Variants in TTC34 observed in about 807,000 individuals in gnomAD.
TTC34 encodes tetratricopeptide repeat domain 34.
TTC34 carries 44 observed loss-of-function variants against 40.7 expected under a neutral mutation model. The ratio of observed to expected loss-of-function variants is 1.08; its 90% CI spans 0.85 to 1.39. The LOEUF (loss-of-function observed/expected upper bound fraction) is 1.39. Among genes scored for constraint, TTC34 ranks in the 40% most tolerant of loss-of-function variants. TTC34 has a pLI of 0.00. For missense variants in TTC34, 884 were observed against 838.0 expected (o/e 1.05, Z -0.68); for synonymous variants, 422 against 398.6 (o/e 1.06, Z -0.70).
At chr1:2,656,370 C>G (rs1254745216) in intron 6 of TTC34, among the ~76,000 whole-genome samples, 16 of 98,570 alleles carry the variant, frequency 1.6e-4, no homozygotes, top group African/African-American at 5.9e-4. Context: ...GGAACAGCAC[C>G]CACACCCACA....
At chr1:2,692,232 C>A (rs1411583821) in intron 6 of TTC34, among the ~76,000 whole-genome samples, 1 of 53,442 alleles carries the variant, frequency 1.9e-5, no homozygotes. Flanking sequence ...CATCCCCAGG[C>A]GAGCATCCGA....
chr1:2,690,170 C>A (rs1557617156), intron 6 of TTC34, among the ~76,000 whole-genome samples: 1 of 147,258 alleles, frequency 6.8e-6, no homozygotes. Flanking sequence ...CGTGGAGCAG[C>A]ACCCCACACC....
chr1:2,699,489 C>A (rs1425824580), intron 6 of TTC34, among the ~76,000 whole-genome samples: 8 of 124,252 alleles, frequency 6.4e-5, no homozygotes, highest in African/African-American at 1.6e-4. Context: ...GAGCAGCACC[C>A]ACACACCCAG....
Position 2,688,477 on chromosome 1 carries a change from G to T in TTC34, c.2227-42914C>A, listed in dbSNP as rs561368932. Among the ~76,000 whole-genome samples the T allele has an allele frequency of 2.2e-4, 20 of 90,250 alleles. 2 individuals are homozygous for T. Among genetic ancestry groups the T allele is most frequent in the African/African-American group, 1.2e-3 (19 of 15,760 alleles). 59.2% of individuals were successfully genotyped at this position (90,250 alleles called of 152,430 possible). ...CTAGGTGAACATCCGACATTGTGGAGCAGCACCCCACACCCACAGGTGAGC... is the reference window on the plus strand; with the variant it reads ...CTAGGTGAACATCCGACATTGTGGATCAGCACCCCACACCCACAGGTGAGC... On this transcript the variant is annotated intron_variant, in intron 6 of 8. Coordinates refer to ENST00000401095, the Ensembl canonical transcript of TTC34.
intron 6 of TTC34, 112 bp downstream of exon 6, chr1:2,783,497 T>C: frequency 3.6e-6 from 4 of 1,122,104 alleles, no homozygotes; most frequent in Non-Finnish European, 4.6e-6. Flanking sequence ...GATGGGCATC[T>C]CACTGCTCAG....
In TTC34 at chr1:2,760,999, C is replaced by T. The variant is rs1444470516; in HGVS notation, c.2226+22610G>A. ...GCATCTGATAGCCTGGAGCAGCGCTCACACCCAGAGGTGAGCATATGACCA... is the reference window on the plus strand; with the variant it reads ...GCATCTGATAGCCTGGAGCAGCGCTTACACCCAGAGGTGAGCATATGACCA... On this transcript the variant is annotated intron_variant, in intron 6 of 8. Coordinates refer to ENST00000401095, the Ensembl canonical transcript of TTC34. 2.7e-5 allele frequency among the ~76,000 whole-genome samples: 2 copies of T among 73,290 alleles called. 1 individual carries two copies. Among genetic ancestry groups the T allele is most frequent in the African/African-American group, 2.2e-4 (2 of 8,928 alleles). 48.1% of individuals were successfully genotyped at this position (73,290 alleles called of 152,430 possible).
intron 6 of TTC34, among the ~76,000 whole-genome samples, chr1:2,751,310 T>C (rs1223765297): frequency 1.6e-5 from 2 of 123,460 alleles, no homozygotes; most frequent in Non-Finnish European, 3.3e-5. Flanking sequence ...TCCGACACCG[T>C]GGAGCAGAAC....
At chr1:2,795,837 C>T (rs1643706202) in intron 2 of TTC34, among the ~76,000 whole-genome samples, 1 of 152,220 alleles carries the variant, frequency 6.6e-6, no homozygotes, top group African/African-American at 2.4e-5. Context: ...GTATCTTGTC[C>T]TCATACATCG....
chr1:2,692,409 G>A lies in TTC34; in HGVS notation c.2227-46846C>T, dbSNP rs200021392. Among the ~76,000 whole-genome samples, 6 of 96,400 alleles carry A rather than the reference G, an allele frequency of 6.2e-5. 1 individual carries two copies. Among genetic ancestry groups the A allele is most frequent in the African/African-American group, 2.1e-4 (6 of 28,010 alleles). The allele number at this position is 96,400 out of a possible 152,430, so 63.2% of individuals were successfully genotyped here. ...CCCCAGGTGAGCATCTGGCAGCCTG[G>A]AGCAGCACCCACACCCCCAGGTGAG... is the stretch of plus-strand genomic sequence containing the variant. On this transcript the variant is annotated intron_variant, in intron 6 of 8. Coordinates refer to ENST00000401095, the Ensembl canonical transcript of TTC34.
chr1:2,651,536 C>G (rs1639134196), intron 6 of TTC34, among the ~76,000 whole-genome samples: 1 of 151,250 alleles, frequency 6.6e-6, no homozygotes, highest in Admixed American at 6.6e-5. Context: ...GAGAATCTGA[C>G]AGCCTGGATC....
chr1:2,686,624 A>G (rs1304600834), intron 6 of TTC34, among the ~76,000 whole-genome samples: 1 of 49,948 alleles, frequency 2.0e-5, no homozygotes, highest in East Asian at 6.4e-4. Context: ...ATCTGACAGC[A>G]TGTAACAGCA....
rs1363387890 is a variant in TTC34 at position 2,752,402 on chromosome 1, C to G, written c.2226+31207G>C. On this transcript the variant is annotated intron_variant, in intron 6 of 8. Transcript: ENST00000401095. The stretch of plus-strand genomic sequence containing the variant: ...GCGAGCATCTGAGAGCATGTAACAG[C>G]ACCCACACACCCAGGTGAGCATCTG... Among the ~76,000 whole-genome samples the G allele has an allele frequency of 1.7e-4, 23 of 131,830 alleles. No individual in the cohort carries two copies. The Admixed American group carries it at 1.7e-3, about 10-fold the overall frequency. 86.5% of individuals were successfully genotyped at this position (131,830 alleles called of 152,430 possible).
chr1:2,769,312 T>G (rs1441969235), intron 6 of TTC34, among the ~76,000 whole-genome samples: 1 of 4,904 alleles, frequency 2.0e-4, no homozygotes, highest in African/African-American at 1.4e-3. Context: ...CACCCCCAGG[T>G]GAGCATCTGA....
In TTC34 at chr1:2,682,054, C is replaced by G. The variant is rs1406572622; in HGVS notation, c.2227-36491G>C. On this transcript the variant is annotated intron_variant, in intron 6 of 8. Transcript: ENST00000401095. ...CAGGTGAGCATCTGACATTGTGGAG[C>G]AGCACCCCACACCCACAGGTGAGCA... Among the ~76,000 whole-genome samples, 6 of 88,558 alleles carry G rather than the reference C, an allele frequency of 6.8e-5. No homozygotes were observed. The East Asian group carries it at 2.2e-3, about 33-fold the overall frequency. The allele number at this position is 88,558 out of a possible 152,430, so 58.1% of individuals were successfully genotyped here. A position where few individuals can be genotyped will look rare whatever the true frequency, so the allele number is the denominator to read the frequency against.
chr1:2,781,839 C>T (rs750132385), intron 6 of TTC34, among the ~76,000 whole-genome samples: 1 of 152,086 alleles, frequency 6.6e-6, no homozygotes, highest in Non-Finnish European at 1.5e-5. Flanking sequence ...TATGTTGAAC[C>T]ATCCTTGCAT....
rs1429174132 is a variant in TTC34, at chr1:2,783,680, G to A, written c.2155C>T (p.Arg719Trp). ...GCCTGCACGTTCCCCGGCTCAGCCCGCAGCACTGTGTTGAAGTCGAACATG... is the reference window on the plus strand; with the variant it reads ...GCCTGCACGTTCCCCGGCTCAGCCCACAGCACTGTGTTGAAGTCGAACATG... The change falls in exon 6 of 9, where the codon CGG becomes TGG. Residue 719 changes from arginine (R) to tryptophan (W), a missense_variant. Transcript: ENST00000401095. 58 of 1,542,750 alleles carry A rather than the reference G, an allele frequency of 3.8e-5. No individual in the cohort carries two copies. The highest frequency in any genetic ancestry group is 1.7e-4 in the Middle Eastern group (1 of 5,982).
chr1:2,671,367 C>CCG (rs1639697095), intron 6 of TTC34, among the ~76,000 whole-genome samples: 1 of 26,476 alleles, frequency 3.8e-5, no homozygotes, highest in African/African-American at 1.0e-4. Context: ...GAGCATTGGA[C>CCG]AGCCTGGAGC....
exon 9 of TTC34, chr1:2,641,814 C>T: frequency 6.5e-7 from 1 of 1,534,572 alleles, no homozygotes; most frequent in Non-Finnish European, 8.7e-7. Flanking sequence ...CTGCCACTGG[C>T]CAGGACAGAC....
At chr1:2,652,259 T>A in intron 6 of TTC34, among the ~76,000 whole-genome samples, 1 of 125,654 alleles carries the variant, frequency 8.0e-6, no homozygotes, top group African/African-American at 2.8e-5. Context: ...CAGGTGAGCA[T>A]CCGACAGCCT....
Sources: allele counts gnomAD v4.1 joint callset (sites outside exome capture counted in the v4.1 genomes callset), GRCh38; gene constraint gnomAD v4.1.1; transcripts MANE v1.5; gene names NCBI Gene and HGNC (gene_info 2026-07-23, HGNC 2026-07-21).